The following RBMS3 variants were observed in gnomAD, a reference collection of about 807,000 sequenced individuals.
RBMS3 encodes the protein RNA binding motif single stranded interacting protein 3, also known as RNA-binding motif, single-stranded-interacting protein 3.
In RBMS3, 27 loss-of-function variants were observed where a neutral mutation model predicts 66.8. That is an observed-to-expected ratio of 0.40 (90% CI 0.30 to 0.56). The LOEUF (loss-of-function observed/expected upper bound fraction) is 0.56. Ranked by LOEUF, RBMS3 falls within the 20% of genes least tolerant of loss-of-function variation. The pLI, the probability that RBMS3 is intolerant of heterozygous loss-of-function variation, is 0.40. For missense variants in RBMS3, 513 were observed against 549.5 expected (o/e 0.93, Z 0.66); for synonymous variants, 188 against 183.0 (o/e 1.03, Z -0.22).
At chr3:29,366,244 A>G (rs2037896215) in intron 1 of RBMS3, among the ~76,000 whole-genome samples, 1 of 152,240 alleles carries the variant, frequency 6.6e-6, no homozygotes, top group South Asian at 2.1e-4. Context: ...AAATATGATT[A>G]CTTTGTTAAG....
chr3:29,894,647 C>T (rs550783401), intron 8 of RBMS3, among the ~76,000 whole-genome samples: 1 of 151,604 alleles, frequency 6.6e-6, no homozygotes, highest in African/African-American at 2.4e-5. Context: ...GTTAGAGCTT[C>T]AGCAGGTAAA....
At chr3:29,294,462 T>C (rs1575484215) in intron 1 of RBMS3, among the ~76,000 whole-genome samples, 1 of 151,438 alleles carries the variant, frequency 6.6e-6, no homozygotes. Context: ...AAAAACATAG[T>C]ACTGCATTAT....
intron 1 of RBMS3, among the ~76,000 whole-genome samples, chr3:29,407,571 G>C (rs1217796253): frequency 1.3e-5 from 2 of 152,162 alleles, no homozygotes; most frequent in African/African-American, 2.4e-5. Flanking sequence ...AAATTATGTA[G>C]AGTCAAATAA....
At chr3:29,578,194 C>T (rs2047189284) in intron 3 of RBMS3, among the ~76,000 whole-genome samples, 1 of 152,082 alleles carries the variant, frequency 6.6e-6, no homozygotes, top group Non-Finnish European at 1.5e-5. Flanking sequence ...GTTGCCTTTC[C>T]AGGTAGGACC....
At chr3:29,952,006 A>G (rs905061954) in intron 12 of RBMS3, among the ~76,000 whole-genome samples, 18 of 151,928 alleles carry the variant, frequency 1.2e-4, no homozygotes, top group African/African-American at 4.3e-4. Context: ...GCTTTGCTAC[A>G]CTTATAACTT....
chr3:29,615,465 A>G (rs1239675004), intron 4 of RBMS3, among the ~76,000 whole-genome samples: 4 of 146,126 alleles, frequency 2.7e-5, no homozygotes, highest in African/African-American at 1.0e-4. Flanking sequence ...CTTGGACTAC[A>G]GTTAGCACAC....
chr3:29,416,437 G>A (rs2040480217), intron 1 of RBMS3, among the ~76,000 whole-genome samples: 1 of 152,080 alleles, frequency 6.6e-6, no homozygotes, highest in Non-Finnish European at 1.5e-5. Flanking sequence ...TCCTTAACTG[G>A]CAATGTGTTT....
At chr3:29,469,015 T>C (rs987178816) in intron 2 of RBMS3, among the ~76,000 whole-genome samples, 2 of 152,106 alleles carry the variant, frequency 1.3e-5, no homozygotes, top group African/African-American at 4.8e-5. Context: ...ATTACAAACA[T>C]TTGTTCTTTC....
chr3:29,284,346 C>G (rs890822461), intron 1 of RBMS3, among the ~76,000 whole-genome samples: 1 of 151,978 alleles, frequency 6.6e-6, no homozygotes, highest in Non-Finnish European at 1.5e-5. Flanking sequence ...TCCACAAGGG[C>G]TATTTACTAT....
intron 4 of RBMS3, among the ~76,000 whole-genome samples, chr3:29,714,944 C>A (rs766975069): frequency 2.4e-4 from 36 of 152,082 alleles, no homozygotes; most frequent in Non-Finnish European, 4.6e-4. Flanking sequence ...TATATATTTT[C>A]CATGTCATCA....
chr3:29,407,541 A>G (rs1285242062), intron 1 of RBMS3, among the ~76,000 whole-genome samples: 1 of 152,256 alleles, frequency 6.6e-6, no homozygotes, highest in Non-Finnish European at 1.5e-5. Flanking sequence ...TGCATATTAT[A>G]TAATAAATGC....
At chr3:29,648,731 A>G (rs977590831) in intron 4 of RBMS3, among the ~76,000 whole-genome samples, 2 of 151,930 alleles carry the variant, frequency 1.3e-5, no homozygotes, top group Non-Finnish European at 2.9e-5. Flanking sequence ...TTTCCTAAAC[A>G]TGTCCAAATA....
At chr3:29,452,813 A>ATT (rs964273534) in intron 2 of RBMS3, among the ~76,000 whole-genome samples, 2 of 152,214 alleles carry the variant, frequency 1.3e-5, no homozygotes, top group African/African-American at 4.8e-5. Context: ...CAAACCAGGA[A>ATT]TTTTATAATA....
intron 3 of RBMS3, among the ~76,000 whole-genome samples, chr3:29,492,014 A>G (rs2148920080): frequency 6.6e-6 from 1 of 151,638 alleles, no homozygotes; most frequent in African/African-American, 2.4e-5. Flanking sequence ...AAGAAATTGG[A>G]CACCATTTAG....
chr3:29,787,129 G>C (rs1275442062), intron 6 of RBMS3, among the ~76,000 whole-genome samples: 1 of 151,706 alleles, frequency 6.6e-6, no homozygotes, highest in Non-Finnish European at 1.5e-5. Context: ...ACCACAACAT[G>C]ATACCACCTC....
chr3:29,416,429 C>A (rs1561372), intron 1 of RBMS3, among the ~76,000 whole-genome samples: 65,917 of 152,048 alleles, frequency 0.43, 14,567 homozygotes, highest in African/African-American at 0.52. Flanking sequence ...ACATTCTTTC[C>A]TTAACTGGCA....
At chr3:29,636,749 G>A (rs2049489595) in intron 4 of RBMS3, among the ~76,000 whole-genome samples, 1 of 151,908 alleles carries the variant, frequency 6.6e-6, no homozygotes, top group Non-Finnish European at 1.5e-5. Context: ...GTAAATGAAA[G>A]CATTATTACT....
intron 10 of RBMS3, chr3:29,925,202 G>A (rs1024575973): frequency 3.3e-5 from 5 of 152,044 alleles, no homozygotes; most frequent in Non-Finnish European, 5.9e-5. Flanking sequence ...CTTAACAAGC[G>A]GGAATATTTT....
intron 4 of RBMS3, among the ~76,000 whole-genome samples, chr3:29,724,980 A>G (rs2053796766): frequency 6.6e-6 from 1 of 152,168 alleles, no homozygotes; most frequent in Non-Finnish European, 1.5e-5. Context: ...TAGAAGATGA[A>G]AAAACTATTG....
Sources: gnomAD v4.1 joint callset for allele counts (sites outside exome capture counted in the v4.1 genomes callset) on GRCh38, gnomAD v4.1.1 for gene constraint, MANE v1.5 for transcripts, NCBI Gene and HGNC (gene_info 2026-07-23, HGNC 2026-07-21) for gene names.